Variants in UGT2B11 observed in about 807,000 individuals in gnomAD.
The protein encoded by UGT2B11 is UDP-glucuronosyltransferase 2B11.
UGT2B11 carries 49 observed loss-of-function variants against 51.7 expected under a neutral mutation model. That is an observed-to-expected ratio of 0.95 (90% CI 0.75 to 1.20). UGT2B11 has a LOEUF of 1.20. UGT2B11 is among the 50% of genes most tolerant of loss of function. UGT2B11 has a pLI of 0.00. For missense variants in UGT2B11, 810 were observed against 622.1 expected (o/e 1.30, Z -3.21); for synonymous variants, 273 against 209.0 (o/e 1.31, Z -2.64).
intron 5 of UGT2B11, among the ~76,000 whole-genome samples, chr4:69,202,905 T>C (rs1318859289): frequency 6.6e-6 from 1 of 151,626 alleles, no homozygotes; most frequent in Non-Finnish European, 1.5e-5. Flanking sequence ...GATGATACCC[T>C]CCTTACACAA....
the UGT2B11 span, among the ~76,000 whole-genome samples, chr4:69,223,123 T>C: frequency 1.8e-4 from 27 of 152,358 alleles, no homozygotes; most frequent in African/African-American, 6.0e-4. Context: ...AAATGTGTTA[T>C]AATTAATACT....
intron 3 of UGT2B11, among the ~76,000 whole-genome samples, chr4:69,206,196 T>C (rs1721849789): frequency 6.6e-6 from 1 of 151,452 alleles, no homozygotes; most frequent in Non-Finnish European, 1.5e-5. Context: ...GCAGTACTAT[T>C]CACAATAGCA....
intron 5 of UGT2B11, among the ~76,000 whole-genome samples, chr4:69,201,500 G>A (rs1220512766): frequency 6.6e-6 from 1 of 151,796 alleles, no homozygotes; most frequent in East Asian, 1.9e-4. Context: ...ACACTGGCAA[G>A]CTTTTTTCTA....
rs200910226 is a variant in UGT2B11 at position 69,205,508 on chromosome 4, G to A, written c.1062C>T (p.Tyr354=). 18 of 1,610,642 alleles carry A rather than the reference G, an allele frequency of 1.1e-5. No homozygotes were observed. The highest frequency in any genetic ancestry group is 1.7e-4 in the Middle Eastern group (1 of 5,904). Residue 354 remains tyrosine (Y), a synonymous_variant, in exon 4 of 6, where the codon TAC becomes TAT. Transcript: ENST00000446444. ...PDALGLNTRL[Y]KWIPQNDLLG... ...GAAGGTCATTCTGGGGTATCCACTT[G>A]TACAGCCGAGTATTGAGACCTAAGG...
In UGT2B11 at chr4:69,204,564, G is replaced by A. The variant is rs1721778611; in HGVS notation, c.1176C>T (p.Gly392=). ...CAGGTTGATCAAAAAACAATGGAAT[G>A]CCCACCATAGGGATCCCATGGTAGA... ...EAIYHGIPMV[G]IPLFFDQPDN... is the part of the protein sequence containing the mutation. Residue 392 remains glycine (G), a synonymous_variant, in exon 5 of 6, where the codon GGC becomes GGT. Transcript: ENST00000446444. 1 of 1,612,118 alleles carries A rather than the reference G, an allele frequency of 6.2e-7. No homozygotes were observed. Among genetic ancestry groups the A allele is most frequent in the African/African-American group, 1.3e-5 (1 of 74,722 alleles).
the UGT2B11 span, among the ~76,000 whole-genome samples, chr4:69,224,080 C>T: frequency 6.6e-6 from 1 of 152,170 alleles, no homozygotes; most frequent in African/African-American, 2.4e-5. Context: ...AACGGAAACA[C>T]ATGCCTGATC....
Position 69,200,335 on chromosome 4 carries a change from GTC to G in UGT2B11, c.*103_*104del. On this transcript the variant is annotated 3_prime_UTR_variant, in exon 6 of 6. Transcript: ENST00000446444. The stretch of plus-strand genomic sequence containing the variant: ...AAATTTTTTTTTTTTTTTTTTTTTT[GTC>G]ACAGGAAGAAAGAAATCTTGCATAA... 1.1e-4 allele frequency: 38 copies of G among 347,784 alleles called. No individual in the cohort carries two copies. The highest frequency in any genetic ancestry group is 5.9e-4 in the South Asian group (4 of 6,762). The allele number at this position is 347,784 out of a possible 1,614,324, so 21.5% of individuals were successfully genotyped here.
chr4:69,204,036 T>C (rs1476664659), intron 5 of UGT2B11, among the ~76,000 whole-genome samples: 1 of 151,672 alleles, frequency 6.6e-6, no homozygotes, highest in African/African-American at 2.4e-5. Context: ...ATAATGATGA[T>C]AAAAATTAAT....
At chr4:69,221,175 C>T in the UGT2B11 span, among the ~76,000 whole-genome samples, 1 of 152,248 alleles carries the variant, frequency 6.6e-6, no homozygotes, top group South Asian at 2.1e-4. Context: ...GCATGATAGG[C>T]TGTGATATCA....
Position 69,208,339 on chromosome 4 carries a change from C to T in UGT2B11, c.1002+12G>A, listed in dbSNP as rs55646856. 6.2e-7 allele frequency: 1 copy of T among 1,610,090 alleles called. No individual in the cohort carries two copies. The highest frequency in any genetic ancestry group is 8.5e-7 in the Non-Finnish European group (1 of 1,177,620). On this transcript the variant is annotated intron_variant, in intron 3 of 5. Transcript: ENST00000446444. ...CAGCAGTTTTCCACACCAGTAAGGC[C>T]CTTTATCTTACCTTTTGTGGGATCT...
chr4:69,206,147 T>A (rs1249338713), intron 3 of UGT2B11, among the ~76,000 whole-genome samples: 1 of 151,450 alleles, frequency 6.6e-6, no homozygotes, highest in Non-Finnish European at 1.5e-5. Flanking sequence ...GGACTATAAC[T>A]GGTTCTTTTA....
At chr4:69,217,550 C>T (rs1560543337), upstream of UGT2B11, among the ~76,000 whole-genome samples, 1 of 152,020 alleles carries the variant, frequency 6.6e-6, no homozygotes, top group Non-Finnish European at 1.5e-5. Flanking sequence ...CACCTATAAG[C>T]TCTCTGTCTC....
chr4:69,209,263 A>C (rs1397270590), intron 2 of UGT2B11, among the ~76,000 whole-genome samples: 1 of 151,614 alleles, frequency 6.6e-6, no homozygotes, highest in Non-Finnish European at 1.5e-5. Flanking sequence ...ATTGCCCTGA[A>C]ATCACACTGT....
At chr4:69,215,966 G>T (rs1349669763), upstream of UGT2B11, 1 of 151,964 alleles carries the variant, frequency 6.6e-6, no homozygotes, top group Non-Finnish European at 1.5e-5. Flanking sequence ...CAAATGCAAA[G>T]TCAAAATGAA....
At chr4:69,213,651 C>T (rs1722156441) in intron 1 of UGT2B11, among the ~76,000 whole-genome samples, 1 of 151,788 alleles carries the variant, frequency 6.6e-6, no homozygotes, top group Admixed American at 6.6e-5. Flanking sequence ...ATTACTCATT[C>T]TATATCTATG....
At chr4:69,200,948 G>A (rs563490977) in intron 5 of UGT2B11, among the ~76,000 whole-genome samples, 5 of 151,392 alleles carry the variant, frequency 3.3e-5, no homozygotes, top group Admixed American at 6.6e-5. Flanking sequence ...AGGTGAGAAA[G>A]TTAATTTTTT....
intron 5 of UGT2B11, among the ~76,000 whole-genome samples, chr4:69,203,025 T>A (rs1016782864): frequency 6.6e-6 from 1 of 151,644 alleles, no homozygotes; most frequent in Admixed American, 6.6e-5. Context: ...TATTAAAAAT[T>A]TAACTTAAAA....
the UGT2B11 span, among the ~76,000 whole-genome samples, chr4:69,222,455 A>T: frequency 6.6e-6 from 1 of 152,160 alleles, no homozygotes; most frequent in Non-Finnish European, 1.5e-5. Flanking sequence ...TGCAAATGCC[A>T]GCGGCCCCAG....
At chr4:69,204,145 A>T (rs902549599) in intron 5 of UGT2B11, among the ~76,000 whole-genome samples, 1 of 150,006 alleles carries the variant, frequency 6.7e-6, no homozygotes, top group Non-Finnish European at 1.5e-5. Flanking sequence ...TCTTCTATGG[A>T]TTCATGTTAA....
Sources: gnomAD v4.1 joint callset for allele counts (sites outside exome capture counted in the v4.1 genomes callset) on GRCh38, gnomAD v4.1.1 for gene constraint, MANE v1.5 for transcripts, NCBI Gene and HGNC (gene_info 2026-07-23, HGNC 2026-07-21) for gene names.